EXOC7: variants seen among roughly 807,000 people sequenced by gnomAD.
EXOC7 encodes the protein exocyst complex component 7.
Under a neutral mutation model 87.6 loss-of-function variants are expected in EXOC7, and 51 were observed. The ratio of observed to expected loss-of-function variants is 0.58; its 90% CI spans 0.46 to 0.73. The LOEUF (loss-of-function observed/expected upper bound fraction) is 0.73, where lower values mean the gene tolerates loss of function less well. EXOC7 is among the 30% of genes least tolerant of loss of function. The probability of loss-of-function intolerance (pLI) is 0.00; values close to 1 mark genes in which losing one functional copy is unlikely to be tolerated. For missense variants in EXOC7, 744 were observed against 888.4 expected (o/e 0.84, Z 2.07); for synonymous variants, 327 against 357.1 (o/e 0.92, Z 0.95).
At chr17:76,098,533 AC>A (rs1281255933) in intron 4 of EXOC7, among the ~76,000 whole-genome samples, 5 of 151,840 alleles carry the variant, frequency 3.3e-5, no homozygotes, top group African/African-American at 9.7e-5. Flanking sequence ...TACAGGTAAA[AC>A]CCAGGGTTTT....
intron 14 of EXOC7, 121 bp downstream of exon 14, chr17:76,085,556 G>C: frequency 6.4e-7 from 1 of 1,551,916 alleles, no homozygotes; most frequent in Non-Finnish European, 8.8e-7. Flanking sequence ...GGGTGGAGGA[G>C]ACTGAAGCAC....
chr17:76,081,596 G>A lies in EXOC7; in HGVS notation c.*2052C>T. 1 of 1,614,038 alleles carries A rather than the reference G, an allele frequency of 6.2e-7. No homozygotes were observed. The highest frequency in any genetic ancestry group is 8.5e-7 in the Non-Finnish European group (1 of 1,180,042). On this transcript the variant is annotated 3_prime_UTR_variant, in exon 19 of 19. Coordinates refer to ENST00000589210, the MANE Select transcript of EXOC7 (RefSeq NM_001013839.4). The stretch of plus-strand genomic sequence containing the variant: ...GTCCATCATCGCTCTCTTGGTGCCT[G>A]CAGAGGCACTGCTGTTGGCTGACGT...
Position 76,084,302 on chromosome 17 carries a change from G to T in EXOC7, c.1777-13C>A. On this transcript the variant is annotated splice_polypyrimidine_tract_variant and intron_variant, in intron 16 of 18. Transcript: ENST00000589210. ...CCTTGTCCCGGAGCTGGGAAGCCAGGAGAGATAGCAGAGAAAGCTCACTTC... is the reference window on the plus strand; with the variant it reads ...CCTTGTCCCGGAGCTGGGAAGCCAGTAGAGATAGCAGAGAAAGCTCACTTC... 1 of 1,613,518 alleles carries T rather than the reference G, an allele frequency of 6.2e-7. No individual in the cohort carries two copies. Among genetic ancestry groups the T allele is most frequent in the South Asian group, 1.1e-5 (1 of 91,076 alleles).
rs1323369023 is a variant in EXOC7 at position 76,082,652 on chromosome 17, A to G, written c.*996T>C. ...CCCCATGGCAGGCGGCCTAGACTGT[A>G]AAGGGGCAGGGCCTGGGCTGCACAC... On this transcript the variant is annotated 3_prime_UTR_variant, in exon 19 of 19. Coordinates refer to ENST00000589210, the MANE Select transcript of EXOC7 (RefSeq NM_001013839.4). The G allele has an allele frequency of 6.2e-7, 1 of 1,609,624 alleles. No individual in the cohort carries two copies. The highest frequency in any genetic ancestry group is 1.1e-5 in the South Asian group (1 of 90,586).
chr17:76,081,746 C>G lies in EXOC7; in HGVS notation c.*1902G>C, dbSNP rs760032798. ...CCTGCCCAGCTCCTCCTCCTGCAAC[C>G]CACTGCTCAGTAAGCCCTGCTCCCT... On this transcript the variant is annotated 3_prime_UTR_variant, in exon 19 of 19. Transcript: ENST00000589210. 1 of 1,613,914 alleles carries G rather than the reference C, an allele frequency of 6.2e-7. No homozygotes were observed. The highest frequency in any genetic ancestry group is 1.3e-5 in the African/African-American group (1 of 74,906).
intron 5 of EXOC7, 47 bp downstream of exon 5, chr17:76,097,749 C>T: frequency 1.5e-6 from 1 of 660,832 alleles, no homozygotes; most frequent in East Asian, 3.4e-5. Flanking sequence ...GGGGAGAAAA[C>T]TCCCTCTGCC....
At chr17:76,096,303 C>T (rs918791665) in intron 5 of EXOC7, among the ~76,000 whole-genome samples, 1 of 152,084 alleles carries the variant, frequency 6.6e-6, no homozygotes, top group Non-Finnish European at 1.5e-5. Context: ...CACCTGAGGT[C>T]AGGAGTTCAA....
At chr17:76,099,970 C>T (rs1598346709) in intron 4 of EXOC7, among the ~76,000 whole-genome samples, 1 of 152,122 alleles carries the variant, frequency 6.6e-6, no homozygotes, top group Admixed American at 6.5e-5. Flanking sequence ...GGTATGGTTG[C>T]ACATGCCTGT....
Position 76,085,554 on chromosome 17 carries a change from G to A in EXOC7, c.1616+123C>T, listed in dbSNP as rs188684203. 5.6e-5 allele frequency: 86 copies of A among 1,544,310 alleles called. No individual in the cohort carries two copies. The Admixed American group carries it at 8.7e-4, about 16-fold the overall frequency. On this transcript the variant is annotated intron_variant, in intron 14 of 18. Transcript: ENST00000589210. Reference sequence around the variant, plus strand: ...CCACCTTCCGGGTCCTGGGGTGGAGGAGACTGAAGCACCCCCTCCCCTCTC... The same window carrying A: ...CCACCTTCCGGGTCCTGGGGTGGAGAAGACTGAAGCACCCCCTCCCCTCTC...
intron 7 of EXOC7, chr17:76,090,810 C>A: frequency 3.9e-6 from 2 of 514,368 alleles, no homozygotes; most frequent in Non-Finnish European, 7.0e-6. Context: ...CCTCGGCCAG[C>A]TGGGGCCTGC....
At position 76,082,408 on chromosome 17, in the gene EXOC7, C is replaced by T; in HGVS notation, c.*1240G>A. 11 of 1,517,328 alleles carry T rather than the reference C, an allele frequency of 7.2e-6. No individual in the cohort carries two copies. The highest frequency in any genetic ancestry group is 9.8e-6 in the Non-Finnish European group (11 of 1,126,078). 94.0% of individuals were successfully genotyped at this position (1,517,328 alleles called of 1,614,324 possible). A position where few individuals can be genotyped will look rare whatever the true frequency, so the allele number is the denominator to read the frequency against. On this transcript the variant is annotated 3_prime_UTR_variant, in exon 19 of 19. Coordinates refer to ENST00000589210, the MANE Select transcript of EXOC7 (RefSeq NM_001013839.4). ...ATGACCCCTGGGGTTCGCTCTTCCG[C>T]TCATGTTGAGGGGACCTTGAAGAAC...
intron 6 of EXOC7, chr17:76,094,204 G>C (rs532388033): frequency 1.9e-6 from 1 of 528,322 alleles, no homozygotes; most frequent in Non-Finnish European, 3.3e-6. Context: ...TGTAACCCCA[G>C]GCTCTGCTAG....
chr17:76,103,461 C>G (rs572492434), intron 1 of EXOC7, 35 bp from the exon 2 acceptor site: 1 of 1,576,456 alleles, frequency 6.3e-7, no homozygotes, highest in Admixed American at 1.8e-5. Flanking sequence ...TCACCAGAAA[C>G]CAGAAGCTAA....
At chr17:76,087,424 G>A (rs1007742851) in intron 12 of EXOC7, 11 of 574,242 alleles carry the variant, frequency 1.9e-5, no homozygotes, top group South Asian at 6.6e-5. Flanking sequence ...TGCTTCCAGG[G>A]CGAGGACGGT....
At position 76,081,148 on chromosome 17, in the gene EXOC7, T is replaced by G; in HGVS notation, c.*2500A>C. On this transcript the variant is annotated 3_prime_UTR_variant, in exon 19 of 19. Coordinates refer to ENST00000589210, the MANE Select transcript of EXOC7 (RefSeq NM_001013839.4). ...GGGAAGCCCTTCTATGGATCGGTTT[T>G]GTGTCCAAGTCTGTCCCTGCCAAAA... The G allele has an allele frequency of 2.2e-6, 3 of 1,340,192 alleles. No individual in the cohort carries two copies. Among genetic ancestry groups the G allele is most frequent in the Non-Finnish European group, 3.1e-6 (3 of 973,626 alleles). 83.0% of individuals were successfully genotyped at this position (1,340,192 alleles called of 1,614,324 possible). A position where few individuals can be genotyped will look rare whatever the true frequency, so the allele number is the denominator to read the frequency against.
rs368879270 is a variant in EXOC7, at chr17:76,086,206, C to T, written c.1430-61G>A. 4.7e-5 allele frequency: 71 copies of T among 1,519,232 alleles called. No individual in the cohort carries two copies. The East Asian group carries it at 1.4e-3, about 30-fold the overall frequency. The allele number at this position is 1,519,232 out of a possible 1,614,324, so 94.1% of individuals were successfully genotyped here. On this transcript the variant is annotated intron_variant, in intron 12 of 18. Coordinates refer to ENST00000589210, the MANE Select transcript of EXOC7 (RefSeq NM_001013839.4). ...CAGCCAAGACCCTCAACGGCCCTTC[C>T]CCCAGGCCATGCAGCAGTCTGAGGG...
At chr17:76,100,859 T>C (rs955119282) in intron 4 of EXOC7, among the ~76,000 whole-genome samples, 2 of 151,316 alleles carry the variant, frequency 1.3e-5, no homozygotes, top group African/African-American at 4.9e-5. Context: ...CGAGTGCCTG[T>C]AATCCCAGCT....
At position 76,088,783 on chromosome 17, in the gene EXOC7, G is replaced by A. The variant is rs949542594; in HGVS notation, c.1188C>T (p.Asp396=). 2 of 1,613,750 alleles carry A rather than the reference G, an allele frequency of 1.2e-6. No individual in the cohort carries two copies. The highest frequency in any genetic ancestry group is 2.7e-5 in the African/African-American group (2 of 75,034). The change falls in exon 9 of 19, where the codon GAC becomes GAT. Residue 396 remains aspartate, a synonymous_variant. Coordinates refer to ENST00000589210, the MANE Select transcript of EXOC7 (RefSeq NM_001013839.4). ...RHLKQTKPEF[D]QVLQGTAAST... ...CTCGCCCACATACCTGGAGCACCTGGTCAAACTCAGGCTTGGTCTGCTTGA... is the reference window on the plus strand; with the variant it reads ...CTCGCCCACATACCTGGAGCACCTGATCAAACTCAGGCTTGGTCTGCTTGA...
At position 76,083,641 on chromosome 17, in the gene EXOC7, A is replaced by C; in HGVS notation, c.*7T>G. On this transcript the variant is annotated 3_prime_UTR_variant, in exon 19 of 19. Transcript: ENST00000589210. ...TCTGGTGGAACCAGGCAGGGCTAGCAGCAGGCTCAGGCAGAGGTGTCGAAA... is the reference window on the plus strand; with the variant it reads ...TCTGGTGGAACCAGGCAGGGCTAGCCGCAGGCTCAGGCAGAGGTGTCGAAA... 1 of 1,613,602 alleles carries C rather than the reference A, an allele frequency of 6.2e-7. No homozygotes were observed. Among genetic ancestry groups the C allele is most frequent in the Non-Finnish European group, 8.5e-7 (1 of 1,179,716 alleles).
Sources: allele counts gnomAD v4.1 joint callset (sites outside exome capture counted in the v4.1 genomes callset), GRCh38; gene constraint gnomAD v4.1.1; transcripts MANE v1.5; gene names NCBI Gene and HGNC (gene_info 2026-07-23, HGNC 2026-07-21).